EYS: variants seen among roughly 807,000 people sequenced by gnomAD.
EYS encodes the protein protein eyes shut homolog.
Under a neutral mutation model 282.1 loss-of-function variants are expected in EYS, and 250 were observed. That is an observed-to-expected ratio of 0.89 (90% CI 0.80 to 0.98). EYS has a LOEUF of 0.98. EYS is among the 50% of genes least tolerant of loss of function. EYS has a pLI of 0.00. For synonymous variants in EYS, 1,355 were observed against 1,282.9 expected (o/e 1.06, Z -1.20); for missense variants, 4,016 against 3,709.0 (o/e 1.08, Z -2.15).
intron 26 of EYS, among the ~76,000 whole-genome samples, chr6:64,543,103 C>G (rs1382017325): frequency 6.6e-6 from 1 of 152,082 alleles, no homozygotes; most frequent in Admixed American, 6.5e-5. Context: ...AGTCCACCAC[C>G]TGACACATCA....
At chr6:64,555,197 A>G (rs1380440223) in intron 26 of EYS, among the ~76,000 whole-genome samples, 2 of 151,964 alleles carry the variant, frequency 1.3e-5, no homozygotes, top group African/African-American at 4.8e-5. Flanking sequence ...ACTTATAAAG[A>G]AGGGAAATCC....
intron 12 of EYS, among the ~76,000 whole-genome samples, chr6:65,160,148 C>G (rs926227026): frequency 2.0e-5 from 3 of 150,810 alleles, no homozygotes; most frequent in African/African-American, 4.8e-5. Flanking sequence ...TTAACCTCAG[C>G]ATTTATGAAA....
chr6:63,974,272 T>C lies in EYS; in HGVS notation c.7055+10111A>G, dbSNP rs1766726212. Among the ~76,000 whole-genome samples the C allele has an allele frequency of 2.0e-5, 3 of 152,032 alleles. 1 individual carries two copies. In the South Asian group the frequency reaches 6.2e-4, roughly 32 times the overall value. On this transcript the variant is annotated intron_variant, in intron 35 of 42. Transcript: ENST00000503581. Reference sequence around the variant, plus strand: ...CAATCTATAAGTGGTCAAAAATAAATGCTTCTATTTACAAAATAAACAGGC... The same window carrying C: ...CAATCTATAAGTGGTCAAAAATAAACGCTTCTATTTACAAAATAAACAGGC...
At position 65,137,295 on chromosome 6, in the gene EYS, G is replaced by T. The variant is rs76970354; in HGVS notation, c.2024-79568C>A. On this transcript the variant is annotated intron_variant, in intron 12 of 42. Coordinates refer to ENST00000503581, the MANE Select transcript of EYS (RefSeq NM_001142800.2). ...CATTATAAAGCAATTAGCAGGATCA[G>T]AGAAGAAGCAGTGCGGAAAGACCAT... is the stretch of plus-strand genomic sequence containing the variant. Among the ~76,000 whole-genome samples the T allele has an allele frequency of 1.8e-4, 27 of 152,232 alleles. No individual in the cohort carries two copies. In the East Asian group the frequency reaches 5.2e-3, roughly 30 times the overall value.
intron 22 of EYS, among the ~76,000 whole-genome samples, chr6:64,793,169 T>C (rs1247302435): frequency 1.3e-5 from 2 of 152,072 alleles, no homozygotes; most frequent in Non-Finnish European, 2.9e-5. Context: ...CAAAAAGAAA[T>C]GATTCTTTAC....
chr6:65,699,187 A>C (rs1237346210), intron 1 of EYS, among the ~76,000 whole-genome samples: 1 of 152,130 alleles, frequency 6.6e-6, no homozygotes, highest in Non-Finnish European at 1.5e-5. Flanking sequence ...GATCACGTCT[A>C]TATTTCTGTT....
chr6:64,188,554 A>G (rs1765014282), intron 31 of EYS, among the ~76,000 whole-genome samples: 1 of 152,100 alleles, frequency 6.6e-6, no homozygotes, highest in African/African-American at 2.4e-5. Flanking sequence ...TTGGTCTTGT[A>G]TTCTTATCTG....
At chr6:63,870,844 G>C (rs1279206555) in intron 35 of EYS, among the ~76,000 whole-genome samples, 1 of 152,130 alleles carries the variant, frequency 6.6e-6, no homozygotes, top group Middle Eastern at 3.2e-3. Context: ...CTGAAGCCTA[G>C]AGATGAAGTT....
rs554533002 is a variant in EYS, at chr6:64,785,283, C to T, written c.3443+28095G>A. ...TAGTTAGCTGTTAAAATTTTCCTTACATGTTTTATCTAGCATTTTTATGTG... is the reference window on the plus strand; with the variant it reads ...TAGTTAGCTGTTAAAATTTTCCTTATATGTTTTATCTAGCATTTTTATGTG... On this transcript the variant is annotated intron_variant, in intron 22 of 42. Transcript: ENST00000503581. 7.2e-5 allele frequency among the ~76,000 whole-genome samples: 11 copies of T among 152,228 alleles called. 2 individuals carry two copies. The highest frequency in any genetic ancestry group is 2.6e-4 in the African/African-American group (11 of 41,550).
chr6:64,738,766 ATT>A (rs1000229109), intron 22 of EYS, among the ~76,000 whole-genome samples: 1 of 152,044 alleles, frequency 6.6e-6, no homozygotes, highest in South Asian at 2.1e-4. Flanking sequence ...AATTTTAGTA[ATT>A]TTTTTTAAGA....
intron 26 of EYS, among the ~76,000 whole-genome samples, chr6:64,568,078 C>T (rs1039374192): frequency 6.6e-6 from 1 of 152,130 alleles, no homozygotes; most frequent in Non-Finnish European, 1.5e-5. Flanking sequence ...TTTCTGTGTA[C>T]AGTACCAGAG....
rs1406960130 is a variant in EYS at position 64,020,155 on chromosome 6, G to A, written c.6726-20972C>T. Among the ~76,000 whole-genome samples, 5 of 152,196 alleles carry A rather than the reference G, an allele frequency of 3.3e-5. No homozygotes were observed. In the South Asian group the frequency reaches 1.0e-3, roughly 32 times the overall value. Reference sequence around the variant, plus strand: ...GAATGAATTCTTGTTTGATAGCAGAGTAGGGTGACTATAGTTAACAACAAT... The same window carrying A: ...GAATGAATTCTTGTTTGATAGCAGAATAGGGTGACTATAGTTAACAACAAT... On this transcript the variant is annotated intron_variant, in intron 33 of 42. Coordinates refer to ENST00000503581, the MANE Select transcript of EYS (RefSeq NM_001142800.2).
intron 30 of EYS, among the ~76,000 whole-genome samples, chr6:64,274,876 A>G (rs1194312708): frequency 6.8e-6 from 1 of 146,968 alleles, no homozygotes; most frequent in Non-Finnish European, 1.5e-5. Context: ...TGAATAAATG[A>G]AAAAAAAAAA....
intron 29 of EYS, among the ~76,000 whole-genome samples, chr6:64,349,227 T>C (rs1426024758): frequency 6.6e-6 from 1 of 151,318 alleles, no homozygotes; most frequent in Non-Finnish European, 1.5e-5. Flanking sequence ...ATAAAATGTG[T>C]AAGCAATGTC....
chr6:64,224,860 A>G (rs1035841963), intron 31 of EYS, among the ~76,000 whole-genome samples: 2 of 152,086 alleles, frequency 1.3e-5, no homozygotes, highest in African/African-American at 4.8e-5. Flanking sequence ...TGAAATAAAG[A>G]AGAGGCCTGT....
intron 2 of EYS, among the ~76,000 whole-genome samples, chr6:65,584,466 G>C (rs1360386045): frequency 1.3e-5 from 2 of 151,978 alleles, no homozygotes; most frequent in African/African-American, 2.4e-5. Context: ...GTTTTTTAGA[G>C]TTAATTGGGG....
At chr6:64,470,961 A>G (rs190477399) in intron 26 of EYS, among the ~76,000 whole-genome samples, 1 of 152,288 alleles carries the variant, frequency 6.6e-6, no homozygotes, top group African/African-American at 2.4e-5. Flanking sequence ...AGAGACATAG[A>G]CATCCATACA....
chr6:65,214,531 C>T (rs556717024), intron 12 of EYS, among the ~76,000 whole-genome samples: 2 of 152,082 alleles, frequency 1.3e-5, no homozygotes, highest in South Asian at 2.1e-4. Context: ...AGAACCCATC[C>T]CCATTAATAG....
At chr6:64,768,853 G>A (rs978060619) in intron 22 of EYS, among the ~76,000 whole-genome samples, 1 of 152,074 alleles carries the variant, frequency 6.6e-6, no homozygotes, top group Non-Finnish European at 1.5e-5. Context: ...CGTTATTCAT[G>A]TCTGTGAAGG....
Sources: allele counts gnomAD v4.1 joint callset (sites outside exome capture counted in the v4.1 genomes callset), GRCh38; gene constraint gnomAD v4.1.1; transcripts MANE v1.5; gene names NCBI Gene and HGNC (gene_info 2026-07-23, HGNC 2026-07-21).